Variants in KIF5A observed in about 807,000 individuals in gnomAD.
KIF5A encodes kinesin family member 5A.
In KIF5A, 35 loss-of-function variants were observed where a neutral mutation model predicts 141.3. That is an observed-to-expected ratio of 0.25 (90% CI 0.19 to 0.33). KIF5A has a LOEUF of 0.33. KIF5A is among the 10% of genes least tolerant of loss of function. The pLI, the probability that KIF5A is intolerant of heterozygous loss-of-function variation, is 1.00. For missense variants in KIF5A, 861 were observed against 1,314.3 expected (o/e 0.66, Z 5.33); for synonymous variants, 448 against 500.2 (o/e 0.90, Z 1.39).
intron 1 of KIF5A, among the ~76,000 whole-genome samples, chr12:57,559,916 G>C (rs560391445): frequency 1.3e-5 from 2 of 152,258 alleles, no homozygotes; most frequent in East Asian, 1.9e-4. Flanking sequence ...TTTTGGGACA[G>C]AGTTGCACTT....
intron 7 of KIF5A, 124 bp from the exon 8 acceptor site, chr12:57,567,370 G>C: frequency 7.7e-7 from 1 of 1,291,426 alleles, no homozygotes; most frequent in Non-Finnish European, 1.1e-6. Context: ...AGATGTGGCA[G>C]CAGGGCTAGT....
intron 4 of KIF5A, 36 bp from the exon 5 acceptor site, chr12:57,564,424 C>T (rs1165965293): frequency 2.0e-6 from 3 of 1,526,832 alleles, no homozygotes; most frequent in Admixed American, 1.7e-5. Flanking sequence ...AAGATAGGCC[C>T]TCTTTACTTC....
At chr12:57,567,048 A>T in intron 6 of KIF5A, 78 bp from the exon 7 acceptor site, 2 of 747,180 alleles carry the variant, frequency 2.7e-6, no homozygotes, top group Non-Finnish European at 4.1e-6. Flanking sequence ...AAAAGAAAAT[A>T]ATAATAATAA....
intron 19 of KIF5A, 66 bp from the exon 20 acceptor site, chr12:57,576,695 T>C (rs1882436884): frequency 1.7e-6 from 2 of 1,165,706 alleles, no homozygotes; most frequent in African/African-American, 1.5e-5. Context: ...TTTGAAGAGC[T>C]GGCCTTCCCT....
intron 6 of KIF5A, among the ~76,000 whole-genome samples, chr12:57,565,932 T>TA (rs1370480798): frequency 1.2e-3 from 173 of 139,852 alleles, no homozygotes; most frequent in African/African-American, 2.8e-3. Flanking sequence ...GTCTCTTGTT[T>TA]AAAAAAAAAA....
intron 25 of KIF5A, 75 bp from the exon 26 acceptor site, chr12:57,581,795 T>A (rs1346881687): frequency 3.1e-5 from 43 of 1,375,648 alleles, no homozygotes; most frequent in Non-Finnish European, 4.0e-5. Flanking sequence ...TCACTGAGGA[T>A]GAGTGTGGAT....
In KIF5A at chr12:57,578,350, T is replaced by G. The variant is rs377005699; in HGVS notation, c.2538+8T>G. ...ACAAAGGTTCACAAACAGGTAAGAG[T>G]CTGCTGAAGGAGTGAAGAGAATTTT... On this transcript the variant is annotated splice_region_variant and intron_variant, in intron 23 of 28. Transcript: ENST00000455537. 3.0e-5 allele frequency: 48 copies of G among 1,598,300 alleles called. No homozygotes were observed. The highest frequency in any genetic ancestry group is 3.3e-5 in the Non-Finnish European group (38 of 1,165,766).
chr12:57,565,052 C>T (rs1882021401), intron 6 of KIF5A, 79 bp downstream of exon 6: 2 of 1,321,738 alleles, frequency 1.5e-6, no homozygotes, highest in Non-Finnish European at 2.2e-6. Flanking sequence ...GTCAGTGACC[C>T]TGAAGTTGGA....
At chr12:57,556,287 T>C (rs1442231475) in intron 1 of KIF5A, among the ~76,000 whole-genome samples, 2 of 152,002 alleles carry the variant, frequency 1.3e-5, no homozygotes, top group African/African-American at 2.4e-5. Context: ...TACAGGCGCC[T>C]GCCACCACGC....
intron 15 of KIF5A, among the ~76,000 whole-genome samples, chr12:57,573,822 C>A (rs1882333875): frequency 7.1e-6 from 1 of 141,108 alleles, no homozygotes; most frequent in Admixed American, 7.0e-5. Context: ...GAGTGAAACT[C>A]CGTCTCAAAA....
chr12:57,564,384 A>C lies in KIF5A; in HGVS notation c.397-76A>C. 8 of 1,178,540 alleles carry C rather than the reference A, an allele frequency of 6.8e-6. No homozygotes were observed. In the South Asian group the frequency reaches 9.8e-5, roughly 14 times the overall value. 73.0% of individuals were successfully genotyped at this position (1,178,540 alleles called of 1,614,324 possible). On this transcript the variant is annotated intron_variant, in intron 4 of 28. Coordinates refer to ENST00000455537, the MANE Select transcript of KIF5A (RefSeq NM_004984.4). ...CCTCCCACCACCGTTTGAGCAGGTC[A>C]CATTAGTATGGGATTCCTGAACTAG...
chr12:57,552,725 G>A (rs979696919), intron 1 of KIF5A, among the ~76,000 whole-genome samples: 2 of 152,072 alleles, frequency 1.3e-5, no homozygotes, highest in Admixed American at 6.5e-5. Flanking sequence ...CCACCAGGTC[G>A]GGAGCTGGCT....
intron 6 of KIF5A, among the ~76,000 whole-genome samples, chr12:57,565,472 T>C (rs1882036599): frequency 6.6e-6 from 1 of 151,338 alleles, no homozygotes. Context: ...CATTGGTCAG[T>C]GTGCATGCAA....
At chr12:57,554,428 C>T (rs1292659469) in intron 1 of KIF5A, among the ~76,000 whole-genome samples, 1 of 152,198 alleles carries the variant, frequency 6.6e-6, no homozygotes, top group African/African-American at 2.4e-5. Context: ...TATATGCTAT[C>T]TCCCCACAAG....
At chr12:57,577,000 G>C (rs1013074202) in intron 20 of KIF5A, 138 bp downstream of exon 20, 10 of 666,844 alleles carry the variant, frequency 1.5e-5, no homozygotes, top group African/African-American at 1.4e-4. Flanking sequence ...GGTAGGGACG[G>C]GACCAAAAGG....
chr12:57,583,032 C>G, intron 27 of KIF5A, 69 bp from the exon 28 acceptor site: 1 of 1,256,634 alleles, frequency 8.0e-7, no homozygotes, highest in Non-Finnish European at 1.1e-6. Flanking sequence ...ACTCTCAGAG[C>G]AGAGTAACCA....
rs1263777594 is a variant in KIF5A, at chr12:57,585,798, A to G, written c.*1617A>G. On this transcript the variant is annotated 3_prime_UTR_variant, in exon 29 of 29. Coordinates refer to ENST00000455537, the MANE Select transcript of KIF5A (RefSeq NM_004984.4). The stretch of plus-strand genomic sequence containing the variant: ...GTTAGGGAGAACTGCAGGGGGAAAA[A>G]TACCAGTGGAGTGTGGAATAAATCC... 6.6e-6 allele frequency: 1 copy of G among 152,234 alleles called. No homozygotes were observed. Among genetic ancestry groups the G allele is most frequent in the Non-Finnish European group, 1.5e-5 (1 of 68,034 alleles). 9.4% of individuals were successfully genotyped at this position (152,234 alleles called of 1,614,324 possible).
chr12:57,569,109 C>T, intron 9 of KIF5A, 42 bp downstream of exon 9: 1 of 1,565,134 alleles, frequency 6.4e-7, no homozygotes, highest in Non-Finnish European at 8.8e-7. Flanking sequence ...AGCCACACCC[C>T]ATCTCCTCCC....
At chr12:57,574,580 G>GA (rs1882363042) in intron 15 of KIF5A, among the ~76,000 whole-genome samples, 1 of 126,914 alleles carries the variant, frequency 7.9e-6, no homozygotes, top group Non-Finnish European at 1.7e-5. Context: ...CCCAGAATTG[G>GA]ATTTTTTTTT....
Sources: allele counts gnomAD v4.1 joint callset (sites outside exome capture counted in the v4.1 genomes callset), GRCh38; gene constraint gnomAD v4.1.1; transcripts MANE v1.5; gene names NCBI Gene and HGNC (gene_info 2026-07-23, HGNC 2026-07-21).